The following PRKG1 variants were observed in gnomAD, a reference collection of about 807,000 sequenced individuals.
PRKG1 encodes the protein cGMP-dependent protein kinase 1.
A neutral mutation model predicts 88.1 loss-of-function variants in PRKG1; 35 were observed. The ratio of observed to expected loss-of-function variants is 0.40; its 90% CI spans 0.30 to 0.53. PRKG1 has a LOEUF of 0.53. PRKG1 is among the 20% of genes least tolerant of loss of function. The pLI is 0.59. For synonymous variants in PRKG1, 303 were observed against 292.5 expected, an observed-to-expected ratio of 1.04 and a Z score of -0.37; for missense variants, 540 against 839.8, an observed-to-expected ratio of 0.64 and a Z score of 4.41.
intron 9 of PRKG1, among the ~76,000 whole-genome samples, chr10:52,244,364 A>G (rs979850461): frequency 2.0e-5 from 3 of 151,982 alleles, no homozygotes; most frequent in African/African-American, 4.8e-5. Context: ...CTTAGTTATC[A>G]ATAAGACTCT....
intron 3 of PRKG1, among the ~76,000 whole-genome samples, chr10:51,740,661 T>G (rs978451004): frequency 2.0e-5 from 3 of 152,150 alleles, no homozygotes; most frequent in Non-Finnish European, 2.9e-5. Flanking sequence ...TTTATGGTTG[T>G]TATGAAAATC....
chr10:51,956,726 T>C (rs1843312191), intron 5 of PRKG1, among the ~76,000 whole-genome samples: 1 of 152,132 alleles, frequency 6.6e-6, no homozygotes, highest in African/African-American at 2.4e-5. Flanking sequence ...TCTCTCTTTT[T>C]TACATCCACA....
chr10:51,767,332 ACT>A (rs879420701), intron 3 of PRKG1, among the ~76,000 whole-genome samples: 13 of 148,932 alleles, frequency 8.7e-5, no homozygotes, highest in East Asian at 2.0e-4. Flanking sequence ...TGTAGAATTT[ACT>A]CTCTCTCTCT....
At chr10:52,094,429 TC>T (rs1847127717) in intron 7 of PRKG1, among the ~76,000 whole-genome samples, 2 of 152,178 alleles carry the variant, frequency 1.3e-5, no homozygotes, top group African/African-American at 4.8e-5. Flanking sequence ...TCTCTCTCTC[TC>T]TCTTTTATCT....
At chr10:52,168,765 A>G (rs1434221093) in intron 9 of PRKG1, among the ~76,000 whole-genome samples, 1 of 152,118 alleles carries the variant, frequency 6.6e-6, no homozygotes, top group Non-Finnish European at 1.5e-5. Flanking sequence ...GTCTTCAGGA[A>G]ATAGATATAG....
chr10:52,034,457 C>T (rs575814206), intron 5 of PRKG1, among the ~76,000 whole-genome samples: 1 of 150,496 alleles, frequency 6.6e-6, no homozygotes, highest in Non-Finnish European at 1.5e-5. Flanking sequence ...TGGTGATGGC[C>T]TAGATATGGA....
At chr10:51,901,062 G>C (rs1841968885) in intron 4 of PRKG1, among the ~76,000 whole-genome samples, 1 of 152,058 alleles carries the variant, frequency 6.6e-6, no homozygotes, top group Non-Finnish European at 1.5e-5. Context: ...ATAACAACTA[G>C]TATAGTTTGG....
chr10:51,014,648 A>G (rs12569858), intron 1 of PRKG1, among the ~76,000 whole-genome samples: 3,915 of 152,314 alleles, frequency 0.026, 64 homozygotes, highest in East Asian at 0.042. Context: ...AGTGGACACT[A>G]TAGAGACACT....
At chr10:52,216,713 C>T (rs776118595) in intron 9 of PRKG1, among the ~76,000 whole-genome samples, 3 of 152,100 alleles carry the variant, frequency 2.0e-5, no homozygotes, top group Non-Finnish European at 4.4e-5. Context: ...GGTTTTTATA[C>T]AGTCATAGGT....
rs367547438 is a variant in PRKG1 at position 51,765,344 on chromosome 10, T to A, written c.593-39241T>A. Among the ~76,000 whole-genome samples, 7 of 152,352 alleles carry A rather than the reference T, an allele frequency of 4.6e-5. No individual in the cohort carries two copies. The East Asian group carries it at 1.4e-3, about 29-fold the overall frequency. On this transcript the variant is annotated intron_variant, in intron 3 of 17. Coordinates refer to ENST00000373980, the MANE Select transcript of PRKG1 (RefSeq NM_006258.4). ...TACAAAACTCCCTTGATTCAGGGAA[T>A]CTGAGAACTTTGTTCCAATGCTTTT...
chr10:51,884,272 C>T (rs1244105040), intron 4 of PRKG1, among the ~76,000 whole-genome samples: 1 of 149,538 alleles, frequency 6.7e-6, no homozygotes, highest in East Asian at 2.0e-4. Flanking sequence ...CGGTGAAACC[C>T]CGTCTCTACT....
At chr10:51,878,671 T>A (rs1841362693) in intron 4 of PRKG1, among the ~76,000 whole-genome samples, 1 of 152,116 alleles carries the variant, frequency 6.6e-6, no homozygotes, top group African/African-American at 2.4e-5. Context: ...CTCCCCAGAG[T>A]CTCACCAGAA....
intron 2 of PRKG1, among the ~76,000 whole-genome samples, chr10:51,315,562 T>C (rs1199122326): frequency 6.6e-6 from 1 of 152,174 alleles, no homozygotes; most frequent in Non-Finnish European, 1.5e-5. Flanking sequence ...GTATTTTGAA[T>C]TTGGCCGAGG....
At chr10:51,072,374 C>T (rs1843844668), upstream of PRKG1, among the ~76,000 whole-genome samples, 1 of 152,080 alleles carries the variant, frequency 6.6e-6, no homozygotes, top group South Asian at 2.1e-4. Context: ...ATTTTGTATT[C>T]AACATTTTCC....
At chr10:52,151,947 T>A (rs1039211389) in intron 8 of PRKG1, among the ~76,000 whole-genome samples, 6 of 152,200 alleles carry the variant, frequency 3.9e-5, no homozygotes, top group African/African-American at 1.4e-4. Context: ...CCTCATTTAA[T>A]GTCCTCTATA....
chr10:51,105,111 T>C (rs1286710459), intron 1 of PRKG1, among the ~76,000 whole-genome samples: 3 of 152,152 alleles, frequency 2.0e-5, no homozygotes, highest in Non-Finnish European at 2.9e-5. Flanking sequence ...CCCGAAGTGA[T>C]CTGCCCACCT....
intron 2 of PRKG1, among the ~76,000 whole-genome samples, chr10:51,446,397 A>G (rs1408034457): frequency 6.6e-6 from 1 of 151,824 alleles, no homozygotes; most frequent in African/African-American, 2.4e-5. Context: ...GGAATTCTTG[A>G]TCTATTTCTT....
intron 7 of PRKG1, among the ~76,000 whole-genome samples, chr10:52,110,053 A>G (rs1237123800): frequency 6.6e-6 from 1 of 151,600 alleles, no homozygotes; most frequent in East Asian, 2.0e-4. Context: ...TCTTTAGAAG[A>G]CCTGATTCTA....
intron 9 of PRKG1, among the ~76,000 whole-genome samples, chr10:52,196,022 T>C (rs1482517827): frequency 6.6e-6 from 1 of 152,116 alleles, no homozygotes; most frequent in Admixed American, 6.6e-5. Context: ...TTTTTTGTTT[T>C]TTTTTCCTGA....
Sources: allele counts gnomAD v4.1 joint callset (sites outside exome capture counted in the v4.1 genomes callset), GRCh38; gene constraint gnomAD v4.1.1; transcripts MANE v1.5; gene names NCBI Gene and HGNC (gene_info 2026-07-23, HGNC 2026-07-21).